TTC16: variants seen among roughly 807,000 people sequenced by gnomAD.
TTC16 encodes tetratricopeptide repeat protein 16.
Under a neutral mutation model 80.4 loss-of-function variants are expected in TTC16, and 66 were observed. That is an observed-to-expected ratio of 0.82 (90% CI 0.67 to 1.01). The LOEUF is 1.01. Among genes scored for constraint, TTC16 ranks in the 50% least tolerant of loss-of-function variants. The pLI is 0.00. For missense variants in TTC16, 1,070 were observed against 1,103.2 expected, an observed-to-expected ratio of 0.97 and a Z score of 0.43; for synonymous variants, 438 against 451.3, an observed-to-expected ratio of 0.97 and a Z score of 0.37.
At position 127,729,669 on chromosome 9, in the gene TTC16, G is replaced by GTT; in HGVS notation, c.1852+2_1852+3insTT. On this transcript the variant is annotated splice_donor_variant, in intron 13 of 13. Transcript: ENST00000373289. LOFTEE classifies it high-confidence loss of function. ...ACCTCTTCAGCCTCCAGCATGAGCT[G>GTT]TAAGTCCCTGGTGCTTCCGCCAGGC... 1 of 1,613,310 alleles carries GTT rather than the reference G, an allele frequency of 6.2e-7. No individual in the cohort carries two copies. Among genetic ancestry groups the GTT allele is most frequent in the Non-Finnish European group, 8.5e-7 (1 of 1,179,910 alleles).
chr9:127,726,877 G>T, intron 10 of TTC16, 93 bp from the exon 11 acceptor site: 1 of 1,499,024 alleles, frequency 6.7e-7, no homozygotes, highest in South Asian at 1.1e-5. Flanking sequence ...CCTGGGAAGG[G>T]CCAAATCTGG....
intron 10 of TTC16, among the ~76,000 whole-genome samples, chr9:127,726,661 G>A (rs971763889): frequency 6.6e-6 from 1 of 152,068 alleles, no homozygotes; most frequent in African/African-American, 2.4e-5. Flanking sequence ...GGTGGTGCAC[G>A]GTTATAATTC....
chr9:127,722,062 C>T lies in TTC16; in HGVS notation c.658-1057C>T, dbSNP rs900706981. Among the ~76,000 whole-genome samples, 4 of 152,194 alleles carry T rather than the reference C, an allele frequency of 2.6e-5. No homozygotes were observed. The highest frequency in any genetic ancestry group is 2.6e-4 in the Admixed American group (4 of 15,278). On this transcript the variant is annotated intron_variant, in intron 6 of 13. Transcript: ENST00000373289. The surrounding 1 kb of genome is among the most constrained non-coding windows in gnomAD (Gnocchi z 4.2). Reference sequence around the variant, plus strand: ...ACTTTGCCCCTGCTTAGCTGTGAGGCTCGCAGCAACCCTTTGGGATAGAGA... The same window carrying T: ...ACTTTGCCCCTGCTTAGCTGTGAGGTTCGCAGCAACCCTTTGGGATAGAGA...
In TTC16 at chr9:127,724,642, G is replaced by A. The variant is rs748841257; in HGVS notation, c.1118-114G>A. On this transcript the variant is annotated intron_variant, in intron 8 of 13. Transcript: ENST00000373289. Reference sequence around the variant, plus strand: ...AACTAGAGAGGACGGAGACTGCGGCGGGGGGTTATCAGCCACCAGTTTCAG... The same window carrying A: ...AACTAGAGAGGACGGAGACTGCGGCAGGGGGTTATCAGCCACCAGTTTCAG... 253 of 1,388,192 alleles carry A rather than the reference G, an allele frequency of 1.8e-4. 1 individual carries two copies. The South Asian group carries it at 3.3e-3, about 18-fold the overall frequency. 86.0% of individuals were successfully genotyped at this position (1,388,192 alleles called of 1,614,324 possible). A position where few individuals can be genotyped will look rare whatever the true frequency, so the allele number is the denominator to read the frequency against.
intron 2 of TTC16, 47 bp downstream of exon 2, chr9:127,717,063 G>A: frequency 6.2e-7 from 1 of 1,601,380 alleles, no homozygotes; most frequent in South Asian, 1.1e-5. Flanking sequence ...GCCCGACACA[G>A]CCATTCACAT....
Position 127,716,265 on chromosome 9 carries a change from C to T in TTC16, c.18+102C>T, listed in dbSNP as rs555264530. The T allele has an allele frequency of 3.2e-4, 498 of 1,536,068 alleles. No homozygotes were observed. In the African/African-American group the frequency reaches 4.9e-3, roughly 15 times the overall value. On this transcript the variant is annotated intron_variant, in intron 1 of 13. Coordinates refer to ENST00000373289, the MANE Select transcript of TTC16 (RefSeq NM_144965.3). Reference sequence around the variant, plus strand: ...TGAAGGCCGGGAGAGGCAGGGGCAGCAGTCCGACTCAGGGAAGGCCCTGGC... The same window carrying T: ...TGAAGGCCGGGAGAGGCAGGGGCAGTAGTCCGACTCAGGGAAGGCCCTGGC...
rs1462820244 is a variant in TTC16, at chr9:127,731,300, G to C, written c.2517G>C (p.Gln839His). ...SKAEGAQGKSQGMSSTSSKAE... is the reference protein window; with the variant it reads ...SKAEGAQGKSHGMSSTSSKAE... ...CTGAGGGTGCCCAGGGCAAGAGCCA[G>C]GGCATGAGCTCAACTTCCAGCAAGG... Residue 839 changes from glutamine to histidine, a missense_variant, in exon 14 of 14, where the codon CAG becomes CAC. Physicochemically the swap from Gln to His is conservative, Grantham distance 24 (BLOSUM62 0). Transcript: ENST00000373289. 9 of 1,613,220 alleles carry C rather than the reference G, an allele frequency of 5.6e-6. No homozygotes were observed. In the Admixed American group the frequency reaches 1.0e-4, roughly 18 times the overall value.
At position 127,720,106 on chromosome 9, in the gene TTC16, T is replaced by C; in HGVS notation, c.455T>C (p.Phe152Ser). 1 of 1,613,896 alleles carries C rather than the reference T, an allele frequency of 6.2e-7. No individual in the cohort carries two copies. Among genetic ancestry groups the C allele is most frequent in the Non-Finnish European group, 8.5e-7 (1 of 1,180,016 alleles). ...CAATGCCTTTTTGAGCAGTGTGCCTTCCTGGATGCCCTGAATGTCTTCTCA... is the reference window on the plus strand; with the variant it reads ...CAATGCCTTTTTGAGCAGTGTGCCTCCCTGGATGCCCTGAATGTCTTCTCA... ...QGQCLFEQCA[F>S]LDALNVFSHA... Residue 152 changes from phenylalanine to serine, a missense_variant, in exon 5 of 14, where the codon TTC (phenylalanine) becomes TCC (serine). Physicochemically the swap from Phe to Ser is radical, Grantham distance 155. Coordinates refer to ENST00000373289, the MANE Select transcript of TTC16 (RefSeq NM_144965.3).
intron 9 of TTC16, 52 bp downstream of exon 9, chr9:127,724,949 G>A (rs984407977): frequency 1.4e-6 from 2 of 1,441,954 alleles, no homozygotes; most frequent in Non-Finnish European, 9.1e-7. Flanking sequence ...AGGGCAGGGC[G>A]GGCAGGAGGC....
chr9:127,716,237 G>A, intron 1 of TTC16, 74 bp downstream of exon 1: 4 of 1,608,008 alleles, frequency 2.5e-6, no homozygotes, highest in Middle Eastern at 1.7e-4. Flanking sequence ...TCGCAGGAAA[G>A]GGTGAAGGCC....
At chr9:127,724,675 C>T in intron 8 of TTC16, 81 bp from the exon 9 acceptor site, 3 of 1,527,966 alleles carry the variant, frequency 2.0e-6, no homozygotes, top group Non-Finnish European at 2.6e-6. Flanking sequence ...CAGGCCCTGG[C>T]CCCCGGGCTG....
chr9:127,723,615 T>C (rs1159574983), intron 7 of TTC16, among the ~76,000 whole-genome samples: 1 of 152,200 alleles, frequency 6.6e-6, no homozygotes, highest in Non-Finnish European at 1.5e-5. Flanking sequence ...TGGAGGAGAC[T>C]TAGGCTTGAG....
At chr9:127,730,219 G>A (rs1228383836) in intron 13 of TTC16, 5 of 244,214 alleles carry the variant, frequency 2.0e-5, no homozygotes, top group Admixed American at 5.0e-5. Context: ...AAGGCTCCCA[G>A]GTGACCCACA....
chr9:127,723,094 T>A, intron 6 of TTC16, 25 bp from the exon 7 acceptor site: 2 of 1,604,846 alleles, frequency 1.2e-6, no homozygotes, highest in African/African-American at 1.3e-5. Flanking sequence ...TCTGTGCCCC[T>A]GATGCCACCC....
intron 7 of TTC16, among the ~76,000 whole-genome samples, chr9:127,723,534 C>T (rs1481584009): frequency 2.0e-5 from 3 of 152,252 alleles, no homozygotes; most frequent in Admixed American, 6.5e-5. Flanking sequence ...CAACACATGT[C>T]TCAGTTACCC....
At chr9:127,717,136 C>A in intron 2 of TTC16, 120 bp downstream of exon 2, 1 of 1,359,282 alleles carries the variant, frequency 7.4e-7, no homozygotes, top group African/African-American at 1.4e-5. Context: ...TCTAATGGGG[C>A]TCTTCCACCT....
rs763409266 is a variant in TTC16, at chr9:127,717,325, T to C, written c.192-9T>C. 1.2e-6 allele frequency: 2 copies of C among 1,608,044 alleles called. No individual in the cohort carries two copies. Among genetic ancestry groups the C allele is most frequent in the Non-Finnish European group, 1.7e-6 (2 of 1,179,874 alleles). The stretch of plus-strand genomic sequence containing the variant: ...GCCACCCCTCTGCCTGTCCCCACTT[T>C]CCCCACAGCTACTCCAGAGGCCAGC... On this transcript the variant is annotated splice_polypyrimidine_tract_variant and intron_variant, in intron 2 of 13. Coordinates refer to ENST00000373289, the MANE Select transcript of TTC16 (RefSeq NM_144965.3).
rs367692406 is a variant in TTC16, at chr9:127,720,233, G to A, written c.528-33G>A. On this transcript the variant is annotated intron_variant, in intron 5 of 13. Coordinates refer to ENST00000373289, the MANE Select transcript of TTC16 (RefSeq NM_144965.3). ...GCACCCACTTCCTGCCGCCCCACCC[G>A]GGAAACGAGCACTCTGTGCCCTCTG... 1.3e-4 allele frequency: 204 copies of A among 1,613,184 alleles called. 1 individual carries two copies. The highest frequency in any genetic ancestry group is 1.2e-3 in the South Asian group (113 of 91,074).
intron 12 of TTC16, chr9:127,728,954 A>G (rs1844181226): frequency 6.6e-6 from 1 of 152,338 alleles, no homozygotes; most frequent in African/African-American, 2.4e-5. Flanking sequence ...TGGAGCCCAG[A>G]GCGCAACTCC....
Sources: gnomAD v4.1 joint callset for allele counts (sites outside exome capture counted in the v4.1 genomes callset) on GRCh38, gnomAD v4.1.1 for gene constraint, Gnocchi (gnomAD v3.1) non-coding constraint, MANE v1.5 for transcripts, NCBI Gene and HGNC (gene_info 2026-07-23, HGNC 2026-07-21) for gene names.